The following FNIP1 variants were observed in gnomAD, a reference collection of about 807,000 sequenced individuals.
FNIP1 encodes folliculin-interacting protein 1.
A neutral mutation model predicts 124.5 loss-of-function variants in FNIP1; 40 were observed. The ratio of observed to expected loss-of-function variants is 0.32; its 90% CI spans 0.25 to 0.42. The LOEUF (loss-of-function observed/expected upper bound fraction) is 0.42. Ranked by LOEUF, FNIP1 falls within the 10% of genes least tolerant of loss-of-function variation. The pLI, the probability that FNIP1 is intolerant of heterozygous loss-of-function variation, is 1.00. For missense variants in FNIP1, 1,176 were observed against 1,403.7 expected (o/e 0.84, Z 2.59); for synonymous variants, 472 against 470.6 (o/e 1.00, Z -0.04).
At chr5:131,680,186 G>T (rs576498904) in intron 11 of FNIP1, among the ~76,000 whole-genome samples, 1 of 152,214 alleles carries the variant, frequency 6.6e-6, no homozygotes, top group African/African-American at 2.4e-5. Context: ...AGATTTTATT[G>T]TGCAATACTG....
intron 6 of FNIP1, among the ~76,000 whole-genome samples, chr5:131,713,189 G>A (rs1769356482): frequency 6.6e-6 from 1 of 151,822 alleles, no homozygotes; most frequent in South Asian, 2.1e-4. Context: ...GACTACAGGC[G>A]CCCGCCACCA....
At chr5:131,743,493 C>G (rs1770576554) in intron 2 of FNIP1, among the ~76,000 whole-genome samples, 1 of 151,510 alleles carries the variant, frequency 6.6e-6, no homozygotes, top group Non-Finnish European at 1.5e-5. Context: ...GAGACACCAA[C>G]AGACACCAAG....
At chr5:131,773,405 A>T (rs1335169105) in intron 1 of FNIP1, among the ~76,000 whole-genome samples, 1 of 152,162 alleles carries the variant, frequency 6.6e-6, no homozygotes, top group Non-Finnish European at 1.5e-5. Flanking sequence ...GCTGACCCAC[A>T]CAGATCTGTG....
chr5:131,713,811 TCAA>T (rs748313705), intron 6 of FNIP1, among the ~76,000 whole-genome samples: 47 of 152,228 alleles, frequency 3.1e-4, no homozygotes, highest in Non-Finnish European at 5.4e-4. Context: ...AGCGAATTTC[TCAA>T]CAACTATCCC....
At chr5:131,743,311 G>C (rs1770570376) in intron 2 of FNIP1, among the ~76,000 whole-genome samples, 1 of 151,896 alleles carries the variant, frequency 6.6e-6, no homozygotes, top group Non-Finnish European at 1.5e-5. Flanking sequence ...AAGAAGAGTA[G>C]GTTTATAGGC....
At chr5:131,717,274 G>A (rs1035878243) in intron 5 of FNIP1, among the ~76,000 whole-genome samples, 55 of 152,062 alleles carry the variant, frequency 3.6e-4, no homozygotes, top group Admixed American at 3.3e-3. Flanking sequence ...TGCTGAGAAT[G>A]ACGGTTTCCA....
Position 131,666,218 on chromosome 5 carries a change from T to C in FNIP1, c.3108+4245A>G, listed in dbSNP as rs142677056. ...TTTTTTTAGAAATCCTATACATGCT[T>C]TGGAAAAATGATTGATAACAAAGTT... On this transcript the variant is annotated intron_variant, in intron 15 of 17. Transcript: ENST00000510461. Among the ~76,000 whole-genome samples the C allele has an allele frequency of 4.8e-3, 727 of 152,288 alleles. 5 individuals carry two copies. Among genetic ancestry groups the C allele is most frequent in the African/African-American group, 0.017 (690 of 41,560 alleles).
At chr5:131,694,602 G>A (rs251012) in intron 11 of FNIP1, among the ~76,000 whole-genome samples, 97,980 of 151,912 alleles carry the variant, frequency 0.64, 33,322 homozygotes, top group Non-Finnish European at 0.77. Flanking sequence ...AGTGGGTAGG[G>A]ATAAACAGGT....
chr5:131,647,732 T>C (rs986424234), intron 16 of FNIP1, among the ~76,000 whole-genome samples: 2 of 152,056 alleles, frequency 1.3e-5, no homozygotes, highest in Non-Finnish European at 2.9e-5. Flanking sequence ...CACCTCAGCC[T>C]CCAAAGTTCT....
chr5:131,710,500 T>A, intron 7 of FNIP1, 78 bp downstream of exon 7: 1 of 1,363,418 alleles, frequency 7.3e-7, no homozygotes. Flanking sequence ...TCATCTACTC[T>A]CTTGTTTCCA....
In FNIP1 at chr5:131,785,079, C is replaced by CAT. The variant is rs745482222; in HGVS notation, c.92+11749_92+11750dup. On this transcript the variant is annotated intron_variant, in intron 1 of 17. Coordinates refer to ENST00000510461, the MANE Select transcript of FNIP1 (RefSeq NM_133372.3). ...TATATCATATATATGATATATATGA[C>CAT]ATATATATATGATATATATGACTAT... Among the ~76,000 whole-genome samples the CAT allele has an allele frequency of 4.0e-4, 5 of 12,406 alleles. 1 individual carries two copies. Among genetic ancestry groups the CAT allele is most frequent in the Non-Finnish European group, 1.2e-3 (4 of 3,260 alleles). 8.1% of individuals were successfully genotyped at this position (12,406 alleles called of 152,430 possible). A position where few individuals can be genotyped will look rare whatever the true frequency, so the allele number is the denominator to read the frequency against.
chr5:131,782,850 T>C (rs1239817834), intron 1 of FNIP1, among the ~76,000 whole-genome samples: 3 of 152,224 alleles, frequency 2.0e-5, no homozygotes, highest in Non-Finnish European at 4.4e-5. Context: ...AGGCCAGGCG[T>C]GGTGGTTTCA....
At chr5:131,752,321 G>A (rs1770900612) in intron 1 of FNIP1, among the ~76,000 whole-genome samples, 1 of 152,104 alleles carries the variant, frequency 6.6e-6, no homozygotes, top group African/African-American at 2.4e-5. Flanking sequence ...GGGATTACAG[G>A]TGTGAGCCAC....
intron 10 of FNIP1, among the ~76,000 whole-genome samples, chr5:131,700,155 T>C (rs1768851070): frequency 6.6e-6 from 1 of 151,880 alleles, no homozygotes; most frequent in Admixed American, 6.6e-5. Context: ...CGCTAATTTT[T>C]GTATTTTTAG....
chr5:131,693,354 A>ATATATATG (rs1768579114), intron 11 of FNIP1, among the ~76,000 whole-genome samples: 1 of 137,416 alleles, frequency 7.3e-6, no homozygotes, highest in Non-Finnish European at 1.6e-5. Flanking sequence ...ATATATATAT[A>ATATATATG]TATATATAGT....
At chr5:131,794,922 A>G (rs1239212588) in intron 1 of FNIP1, among the ~76,000 whole-genome samples, 1 of 152,250 alleles carries the variant, frequency 6.6e-6, no homozygotes, top group Admixed American at 6.5e-5. Flanking sequence ...GAAGTGTTCT[A>G]AAACTTCATG....
In FNIP1 at chr5:131,665,613, A is replaced by G. The variant is rs1177761478; in HGVS notation, c.3108+4850T>C. ...AGATAGGTTTTTTTTTTTTTTTGAG[A>G]TGGAGTCTCACTGTCACCTGGCCTG... On this transcript the variant is annotated intron_variant, in intron 15 of 17. Transcript: ENST00000510461. Among the ~76,000 whole-genome samples, 6 of 145,130 alleles carry G rather than the reference A, an allele frequency of 4.1e-5. No individual in the cohort carries two copies. The South Asian group carries it at 8.6e-4, about 21-fold the overall frequency.
intron 5 of FNIP1, among the ~76,000 whole-genome samples, chr5:131,717,124 C>G (rs1769493350): frequency 6.6e-6 from 1 of 151,938 alleles, no homozygotes; most frequent in South Asian, 2.1e-4. Context: ...TCTCCTAATG[C>G]TATCCCTCCC....
chr5:131,719,201 A>G (rs1450389971), intron 4 of FNIP1, 116 bp downstream of exon 4: 2 of 1,151,808 alleles, frequency 1.7e-6, no homozygotes, highest in Non-Finnish European at 2.5e-6. Flanking sequence ...ACCATAGAAC[A>G]TGTTAAATGG....
Sources: allele counts gnomAD v4.1 joint callset (sites outside exome capture counted in the v4.1 genomes callset), GRCh38; gene constraint gnomAD v4.1.1; transcripts MANE v1.5; gene names NCBI Gene and HGNC (gene_info 2026-07-23, HGNC 2026-07-21).